BMP5: variants seen among roughly 807,000 people sequenced by gnomAD.
The protein encoded by BMP5 is bone morphogenetic protein 5.
Under a neutral mutation model 46.6 loss-of-function variants are expected in BMP5, and 23 were observed. The observed-to-expected ratio is 0.49, with a 90% CI of 0.35 to 0.70. BMP5 has a LOEUF of 0.70. Ranked by LOEUF, BMP5 falls within the 30% of genes least tolerant of loss-of-function variation. The pLI is 0.00. For synonymous variants in BMP5, 204 were observed against 191.9 expected (o/e 1.06, Z -0.52); for missense variants, 545 against 565.6 (o/e 0.96, Z 0.37).
At chr6:55,827,044 T>G (rs942495831) in intron 1 of BMP5, among the ~76,000 whole-genome samples, 6 of 151,904 alleles carry the variant, frequency 3.9e-5, no homozygotes, top group Middle Eastern at 3.4e-3. Flanking sequence ...GCGTGCTCTC[T>G]CCTCCTATGC....
intron 1 of BMP5, among the ~76,000 whole-genome samples, chr6:55,846,906 T>C (rs2127547789): frequency 6.6e-6 from 1 of 151,786 alleles, no homozygotes; most frequent in South Asian, 2.1e-4. Flanking sequence ...TGTAGGTAGA[T>C]TATATTTTTC....
intron 2 of BMP5, among the ~76,000 whole-genome samples, chr6:55,805,615 G>C (rs1775969142): frequency 6.6e-6 from 1 of 152,220 alleles, no homozygotes; most frequent in Middle Eastern, 3.4e-3. Context: ...TGGTATTTCT[G>C]GTTCTAGATC....
At chr6:55,874,006 G>A (rs995002403) in intron 1 of BMP5, among the ~76,000 whole-genome samples, 22 of 151,612 alleles carry the variant, frequency 1.5e-4, no homozygotes, top group African/African-American at 3.9e-4. Context: ...AAGTGCTTCC[G>A]AATGTCACTT....
intron 1 of BMP5, among the ~76,000 whole-genome samples, chr6:55,872,425 T>C (rs970792780): frequency 1.3e-5 from 2 of 151,674 alleles, no homozygotes; most frequent in East Asian, 3.9e-4. Context: ...AAATGAATAA[T>C]TGTATTTCTT....
chr6:55,849,360 T>C (rs931087000), intron 1 of BMP5, among the ~76,000 whole-genome samples: 9 of 152,024 alleles, frequency 5.9e-5, no homozygotes, highest in Non-Finnish European at 5.9e-5. Flanking sequence ...TGCAGACATG[T>C]GCACACATAT....
At chr6:55,841,942 G>GAGAGAGAGAGAGAGAGAGAGA (rs1399152751) in intron 1 of BMP5, among the ~76,000 whole-genome samples, 1 of 151,780 alleles carries the variant, frequency 6.6e-6, no homozygotes, top group South Asian at 2.1e-4. Context: ...GAGAGAGAGA[G>GAGAGAGAGAGAGAGAGAGAGA]ATTTTTCTAT....
At chr6:55,762,357 A>T (rs1253060016) in intron 4 of BMP5, among the ~76,000 whole-genome samples, 1 of 152,166 alleles carries the variant, frequency 6.6e-6, no homozygotes, top group Non-Finnish European at 1.5e-5. Context: ...GGAGCCCATC[A>T]TAGAGGGCCT....
At chr6:55,858,604 C>T (rs1043517518) in intron 1 of BMP5, among the ~76,000 whole-genome samples, 11 of 152,090 alleles carry the variant, frequency 7.2e-5, no homozygotes, top group African/African-American at 2.4e-4. Flanking sequence ...TAAAATAATA[C>T]TAACGTTTAC....
At chr6:55,775,227 T>C (rs1775148059) in intron 3 of BMP5, among the ~76,000 whole-genome samples, 1 of 151,954 alleles carries the variant, frequency 6.6e-6, no homozygotes, top group South Asian at 2.1e-4. Flanking sequence ...ATAATAATAC[T>C]TAAAACTATG....
intron 1 of BMP5, among the ~76,000 whole-genome samples, chr6:55,849,391 A>G (rs894430017): frequency 4.6e-5 from 7 of 152,096 alleles, no homozygotes; most frequent in African/African-American, 1.7e-4. Flanking sequence ...GTGAATAGAG[A>G]GTAATATGAA....
At chr6:55,780,654 C>A (rs908344894) in intron 3 of BMP5, among the ~76,000 whole-genome samples, 10 of 151,862 alleles carry the variant, frequency 6.6e-5, no homozygotes, top group African/African-American at 2.4e-4. Flanking sequence ...TACTGTCGTG[C>A]CCCACAGTTT....
chr6:55,857,493 C>T (rs1423890609), intron 1 of BMP5, among the ~76,000 whole-genome samples: 1 of 152,044 alleles, frequency 6.6e-6, no homozygotes, highest in Non-Finnish European at 1.5e-5. Flanking sequence ...GATCAAGGTG[C>T]CAAAAGTGGG....
intron 1 of BMP5, among the ~76,000 whole-genome samples, chr6:55,825,810 C>T (rs920347677): frequency 9.9e-5 from 15 of 151,734 alleles, no homozygotes; most frequent in Non-Finnish European, 2.1e-4. Context: ...TCTTAATCTC[C>T]CACACAAGAG....
chr6:55,852,276 GT>G (rs940718202), intron 1 of BMP5, among the ~76,000 whole-genome samples: 15 of 151,708 alleles, frequency 9.9e-5, no homozygotes, highest in Non-Finnish European at 1.0e-4. Context: ...TTTAAGATGA[GT>G]TTTTTTTGTA....
At chr6:55,789,576 A>G (rs1202278385) in intron 3 of BMP5, among the ~76,000 whole-genome samples, 1 of 152,046 alleles carries the variant, frequency 6.6e-6, no homozygotes, top group Non-Finnish European at 1.5e-5. Context: ...CAGTTAATTA[A>G]TGTATCATTA....
chr6:55,794,050 C>A (rs1775641679), intron 3 of BMP5, among the ~76,000 whole-genome samples: 1 of 152,126 alleles, frequency 6.6e-6, no homozygotes, highest in South Asian at 2.1e-4. Context: ...AGAACAGTAG[C>A]AGTACCTACG....
At chr6:55,776,553 T>TA (rs547568598) in intron 3 of BMP5, among the ~76,000 whole-genome samples, 6 of 151,892 alleles carry the variant, frequency 4.0e-5, no homozygotes, top group African/African-American at 1.4e-4. Context: ...GAGTACAACA[T>TA]AAAAAAGTAT....
intron 2 of BMP5, among the ~76,000 whole-genome samples, chr6:55,800,539 A>AT (rs1775823031): frequency 1.3e-5 from 2 of 152,184 alleles, no homozygotes; most frequent in Non-Finnish European, 2.9e-5. Flanking sequence ...TTCGATATAT[A>AT]AGGGATGTGA....
intron 3 of BMP5, among the ~76,000 whole-genome samples, chr6:55,786,221 C>G (rs1031391308): frequency 6.6e-6 from 1 of 151,580 alleles, no homozygotes; most frequent in African/African-American, 2.4e-5. Flanking sequence ...TTCACTGTAC[C>G]CTCTCTACAT....
Sources: gnomAD v4.1 joint callset for allele counts (sites outside exome capture counted in the v4.1 genomes callset) on GRCh38, gnomAD v4.1.1 for gene constraint, MANE v1.5 for transcripts, NCBI Gene and HGNC (gene_info 2026-07-23, HGNC 2026-07-21) for gene names.